Variants in PRKCA observed in about 807,000 individuals in gnomAD.
PRKCA encodes the protein protein kinase C alpha, also known as protein kinase C alpha type.
PRKCA carries 27 observed loss-of-function variants against 87.0 expected under a neutral mutation model. The observed-to-expected ratio is 0.31, with a 90% CI of 0.23 to 0.43. The LOEUF is 0.43. Among genes scored for constraint, PRKCA ranks in the 20% least tolerant of loss-of-function variants. PRKCA has a pLI of 1.00. For missense variants in PRKCA, 518 were observed against 852.3 expected (o/e 0.61, Z 4.88); for synonymous variants, 329 against 311.1 (o/e 1.06, Z -0.61).
At chr17:66,593,011 C>T (rs1184855221) in intron 3 of PRKCA, among the ~76,000 whole-genome samples, 4 of 152,106 alleles carry the variant, frequency 2.6e-5, no homozygotes, top group African/African-American at 9.7e-5. Flanking sequence ...AGGCTGGTCT[C>T]GAACTCCCGA....
At chr17:66,620,483 C>G (rs903753755) in intron 3 of PRKCA, among the ~76,000 whole-genome samples, 2 of 152,132 alleles carry the variant, frequency 1.3e-5, no homozygotes. Context: ...TCTGACTGGC[C>G]AGAGCTATGG....
At chr17:66,558,670 A>G (rs1363393022) in intron 3 of PRKCA, among the ~76,000 whole-genome samples, 4 of 152,148 alleles carry the variant, frequency 2.6e-5, no homozygotes, top group Non-Finnish European at 5.9e-5. Context: ...ACTACTGCCT[A>G]GGAGGAGTGG....
At chr17:66,340,082 G>T (rs1032513616) in intron 2 of PRKCA, 4 of 152,150 alleles carry the variant, frequency 2.6e-5, no homozygotes, top group Non-Finnish European at 4.4e-5. Flanking sequence ...AGTTAAAATT[G>T]TGTGGATTAG....
chr17:66,409,477 G>C (rs948354901), intron 2 of PRKCA, among the ~76,000 whole-genome samples: 1 of 152,196 alleles, frequency 6.6e-6, no homozygotes, highest in Non-Finnish European at 1.5e-5. Context: ...GCCTGCATTA[G>C]TATACCTGAT....
intron 3 of PRKCA, among the ~76,000 whole-genome samples, chr17:66,555,170 G>A (rs1169588317): frequency 6.6e-6 from 1 of 152,164 alleles, no homozygotes; most frequent in Admixed American, 6.5e-5. Flanking sequence ...GAGCCACCAC[G>A]CCCAGCCAGT....
intron 3 of PRKCA, among the ~76,000 whole-genome samples, chr17:66,586,458 C>T (rs1047814402): frequency 6.6e-6 from 1 of 152,192 alleles, no homozygotes; most frequent in African/African-American, 2.4e-5. Flanking sequence ...TACCAGTGGC[C>T]ACTGCAAAAG....
chr17:66,767,259 T>C (rs183893603), intron 13 of PRKCA, among the ~76,000 whole-genome samples: 2 of 152,282 alleles, frequency 1.3e-5, no homozygotes, highest in East Asian at 3.9e-4. Flanking sequence ...AAACTAGGTT[T>C]TTCTCCCTCA....
rs58433300 is a variant in PRKCA at position 66,523,781 on chromosome 17, A to G, written c.288+27498A>G. ...TGCACTTTGGACCTAAGGCAGGTCC[A>G]GGGTGGTGCCTGGTGGACATGAAGA... is the stretch of plus-strand genomic sequence containing the variant. On this transcript the variant is annotated intron_variant, in intron 3 of 16. Transcript: ENST00000413366. 8.7e-3 allele frequency among the ~76,000 whole-genome samples: 1,332 copies of G among 152,312 alleles called. 18 individuals are homozygous for G. Among genetic ancestry groups the G allele is most frequent in the African/African-American group, 0.031 (1,285 of 41,572 alleles).
intron 3 of PRKCA, among the ~76,000 whole-genome samples, chr17:66,615,020 G>A (rs1177781347): frequency 2.6e-5 from 4 of 152,160 alleles, no homozygotes; most frequent in Non-Finnish European, 5.9e-5. Context: ...CCAGGCTTCT[G>A]TGTCTCTGTT....
At chr17:66,781,635 C>T (rs1280559799) in intron 14 of PRKCA, among the ~76,000 whole-genome samples, 1 of 151,956 alleles carries the variant, frequency 6.6e-6, no homozygotes, top group East Asian at 1.9e-4. Context: ...ACATGAGATG[C>T]CTAGAGTAGT....
chr17:66,363,493 A>G (rs1183205467), intron 2 of PRKCA, among the ~76,000 whole-genome samples: 1 of 152,216 alleles, frequency 6.6e-6, no homozygotes, highest in Non-Finnish European at 1.5e-5. Context: ...TTCCATAAGT[A>G]ATAAGTCATG....
chr17:66,509,164 G>A (rs917032054), intron 3 of PRKCA, among the ~76,000 whole-genome samples: 42 of 132,186 alleles, frequency 3.2e-4, no homozygotes, highest in African/African-American at 1.1e-3. Context: ...GAAAAGGAAC[G>A]TGTGTGTGTG....
At chr17:66,391,292 A>G (rs1910344314) in intron 2 of PRKCA, among the ~76,000 whole-genome samples, 1 of 152,176 alleles carries the variant, frequency 6.6e-6, no homozygotes, top group Non-Finnish European at 1.5e-5. Flanking sequence ...CGTTTATTAC[A>G]CAAATATTTA....
intron 2 of PRKCA, among the ~76,000 whole-genome samples, chr17:66,460,114 T>C (rs1284762761): frequency 1.3e-5 from 2 of 152,212 alleles, no homozygotes; most frequent in Non-Finnish European, 2.9e-5. Context: ...TTGTGTTGTT[T>C]TTTTCTAAGT....
Position 66,779,524 on chromosome 17 carries a change from A to C in PRKCA, c.1605+5457A>C, listed in dbSNP as rs762229442. 7.9e-5 allele frequency among the ~76,000 whole-genome samples: 12 copies of C among 152,014 alleles called. 1 individual carries two copies. Among genetic ancestry groups the C allele is most frequent in the African/African-American group, 2.2e-4 (9 of 41,378 alleles). ...AATCAGTAATCGCCACTTCATCTTA[A>C]CTTCGGCCTGAATTGTCCAGGGGAG... On this transcript the variant is annotated intron_variant, in intron 14 of 16. Transcript: ENST00000413366.
chr17:66,567,659 A>T (rs1968942833), intron 3 of PRKCA, among the ~76,000 whole-genome samples: 1 of 152,186 alleles, frequency 6.6e-6, no homozygotes, highest in Admixed American at 6.5e-5. Context: ...TGTTACCTCA[A>T]GATTTCATGG....
intron 14 of PRKCA, chr17:66,775,199 G>A (rs1038081785): frequency 4.7e-5 from 45 of 957,574 alleles, no homozygotes; most frequent in Admixed American, 1.3e-4. Flanking sequence ...GGACACTTCC[G>A]TGGCAAAGTC....
intron 3 of PRKCA, among the ~76,000 whole-genome samples, chr17:66,635,025 T>C (rs1971114320): frequency 6.6e-6 from 1 of 152,188 alleles, no homozygotes; most frequent in Non-Finnish European, 1.5e-5. Context: ...TTGTAACTGG[T>C]ATTGACATCT....
At chr17:66,560,432 G>A (rs1269689157) in intron 3 of PRKCA, among the ~76,000 whole-genome samples, 1 of 152,130 alleles carries the variant, frequency 6.6e-6, no homozygotes, top group African/African-American at 2.4e-5. Context: ...TGTGTTTTGA[G>A]CCCATTGTCA....
Sources: allele counts gnomAD v4.1 joint callset (sites outside exome capture counted in the v4.1 genomes callset), GRCh38; gene constraint gnomAD v4.1.1; transcripts MANE v1.5; gene names NCBI Gene and HGNC (gene_info 2026-07-23, HGNC 2026-07-21).